Variants in MTAP observed in about 807,000 individuals in gnomAD.
The protein encoded by MTAP is S-methyl-5'-thioadenosine phosphorylase.
Under a neutral mutation model 33.6 loss-of-function variants are expected in MTAP, and 33 were observed. The ratio of observed to expected loss-of-function variants is 0.98; its 90% CI spans 0.74 to 1.31. MTAP has a LOEUF of 1.31. MTAP is among the 40% of genes most tolerant of loss of function. The pLI is 0.00. For missense variants in MTAP, 367 were observed against 360.0 expected, an observed-to-expected ratio of 1.02 and a Z score of -0.16; for synonymous variants, 148 against 125.7, an observed-to-expected ratio of 1.18 and a Z score of -1.19.
At chr9:21,805,399 G>C (rs547735074) in intron 1 of MTAP, among the ~76,000 whole-genome samples, 1 of 152,136 alleles carries the variant, frequency 6.6e-6, no homozygotes, top group Non-Finnish European at 1.5e-5. Context: ...TTGAGTAAGC[G>C]AGGCCTTTAT....
intron 4 of MTAP, 78 bp from the exon 5 acceptor site, chr9:21,837,830 T>G (rs1280694700): frequency 8.8e-7 from 1 of 1,134,376 alleles, no homozygotes; most frequent in Non-Finnish European, 1.3e-6. Flanking sequence ...TAGATAAAGT[T>G]GACTCACCAG....
chr9:21,882,928 A>G (rs901274075), intron 1 of MTAP, among the ~76,000 whole-genome samples: 1 of 152,028 alleles, frequency 6.6e-6, no homozygotes, highest in Non-Finnish European at 1.5e-5. Flanking sequence ...GATGCAGCCA[A>G]ATATGTTCAG....
At chr9:21,939,398 CTT>C (rs1394283134), downstream of MTAP, among the ~76,000 whole-genome samples, 1 of 152,140 alleles carries the variant, frequency 6.6e-6, no homozygotes, top group Non-Finnish European at 1.5e-5. Context: ...GTAACTTTTT[CTT>C]TCTTTCCTTA....
chr9:21,824,848 G>A (rs911261920), intron 4 of MTAP, among the ~76,000 whole-genome samples: 1 of 152,228 alleles, frequency 6.6e-6, no homozygotes, highest in East Asian at 1.9e-4. Flanking sequence ...TTTGATCTCA[G>A]GCTGCTGTGC....
intron 1 of MTAP, among the ~76,000 whole-genome samples, chr9:21,914,262 G>C (rs201286106): frequency 1.3e-5 from 2 of 152,060 alleles, no homozygotes; most frequent in Non-Finnish European, 2.9e-5. Context: ...ATCATTTGAC[G>C]CAGCCATCCA....
chr9:21,905,418 A>C (rs1241061129), intron 1 of MTAP, among the ~76,000 whole-genome samples: 4 of 152,110 alleles, frequency 2.6e-5, no homozygotes, highest in Non-Finnish European at 5.9e-5. Context: ...TTTAAACATA[A>C]GGCAATAAAT....
intron 4 of MTAP, among the ~76,000 whole-genome samples, chr9:21,835,565 C>G (rs955684693): frequency 2.6e-5 from 4 of 152,106 alleles, no homozygotes; most frequent in Non-Finnish European, 5.9e-5. Context: ...GGGCAACAGT[C>G]CCCACTTTGT....
At chr9:21,882,361 A>G (rs1818029874) in intron 1 of MTAP, among the ~76,000 whole-genome samples, 4 of 152,158 alleles carry the variant, frequency 2.6e-5, no homozygotes, top group Admixed American at 2.6e-4. Flanking sequence ...ACCTTTAAAA[A>G]GTTTTATTCT....
chr9:21,804,325 T>TA (rs1824149224), intron 1 of MTAP, among the ~76,000 whole-genome samples: 1 of 152,222 alleles, frequency 6.6e-6, no homozygotes, highest in African/African-American at 2.4e-5. Flanking sequence ...CAAGCGCCAT[T>TA]AAAAATGGAG....
chr9:21,848,316 G>A (rs1446964508), intron 5 of MTAP, among the ~76,000 whole-genome samples: 1 of 152,174 alleles, frequency 6.6e-6, no homozygotes, highest in Non-Finnish European at 1.5e-5. Context: ...AACCGCTTGA[G>A]TTTTCTGATT....
chr9:21,859,071 G>T (rs938050173), intron 6 of MTAP: 3 of 390,024 alleles, frequency 7.7e-6, no homozygotes, highest in Admixed American at 4.6e-5. Flanking sequence ...ATAGCACTGG[G>T]GCCTCTTTTG....
intron 1 of MTAP, among the ~76,000 whole-genome samples, chr9:21,896,452 G>T (rs554997379): frequency 1.3e-5 from 2 of 152,162 alleles, no homozygotes; most frequent in Admixed American, 1.3e-4. Context: ...CCAGGAGCTG[G>T]TTTTTTGAAA....
intron 1 of MTAP, among the ~76,000 whole-genome samples, chr9:21,921,467 A>T (rs1818786645): frequency 6.6e-6 from 1 of 151,788 alleles, no homozygotes; most frequent in Non-Finnish European, 1.5e-5. Flanking sequence ...TAGCTCCCTG[A>T]GGTGCATCAT....
At position 21,802,706 on chromosome 9, in the gene MTAP, G is replaced by A. The variant is rs779247686; in HGVS notation, c.-43G>A. The stretch of plus-strand genomic sequence containing the variant: ...CTCTGTGGCTCGCTTGGTTCCCTTA[G>A]TCCCGAGCGCTCGCCCACTGCAGAT... On this transcript the variant is annotated 5_prime_UTR_variant, in exon 1 of 8. Transcript: ENST00000644715. The A allele has an allele frequency of 6.2e-7, 1 of 1,602,556 alleles. No individual in the cohort carries two copies. The highest frequency in any genetic ancestry group is 1.7e-5 in the Admixed American group (1 of 58,772).
downstream of MTAP, chr9:21,932,552 A>G (rs996384987): frequency 6.6e-6 from 1 of 152,118 alleles, no homozygotes; most frequent in Non-Finnish European, 1.5e-5. Context: ...GGACCCACCA[A>G]CCACTCCTGT....
In MTAP at chr9:21,811,349, T is replaced by C. The variant is rs118132633; in HGVS notation, c.34-4084T>C. 3.4e-3 allele frequency among the ~76,000 whole-genome samples: 519 copies of C among 152,312 alleles called. 1 individual carries two copies. Among genetic ancestry groups the C allele is most frequent in the Middle Eastern group, 0.014 (4 of 294 alleles). ...TTACTATGCACCCTTTCCACATTGC[T>C]AGAAGTAACTGTTCTGACCAGGTGA... On this transcript the variant is annotated intron_variant, in intron 1 of 7. Coordinates refer to ENST00000644715, the MANE Select transcript of MTAP (RefSeq NM_002451.4).
At chr9:21,823,187 A>G (rs1824692291) in intron 4 of MTAP, among the ~76,000 whole-genome samples, 1 of 152,068 alleles carries the variant, frequency 6.6e-6, no homozygotes, top group African/African-American at 2.4e-5. Flanking sequence ...TTAGCTGGTT[A>G]TTTTGGTCGT....
At chr9:21,869,582 C>T (rs886822505), downstream of MTAP, among the ~76,000 whole-genome samples, 3 of 152,106 alleles carry the variant, frequency 2.0e-5, no homozygotes, top group African/African-American at 7.2e-5. Context: ...CCTCAACTTC[C>T]CCTACACCTG....
intron 1 of MTAP, chr9:21,929,942 G>A (rs746372850): frequency 4.7e-5 from 20 of 422,550 alleles, no homozygotes; most frequent in East Asian, 1.2e-4. Flanking sequence ...AACATACACC[G>A]AAAACCAATT....
Sources: allele counts gnomAD v4.1 joint callset (sites outside exome capture counted in the v4.1 genomes callset), GRCh38; gene constraint gnomAD v4.1.1; transcripts MANE v1.5; gene names NCBI Gene and HGNC (gene_info 2026-07-23, HGNC 2026-07-21).